Variants in GREM2 observed in about 807,000 individuals in gnomAD.
GREM2 encodes the protein gremlin-2.
Under a neutral mutation model 14.2 loss-of-function variants are expected in GREM2, and 11 were observed. That is an observed-to-expected ratio of 0.78 (90% CI 0.49 to 1.28). The LOEUF (loss-of-function observed/expected upper bound fraction) is 1.28, where lower values mean the gene tolerates loss of function less well. Ranked by LOEUF, GREM2 falls within the 50% of genes most tolerant of loss-of-function variation. The pLI is 0.00. For missense variants in GREM2, 210 were observed against 218.5 expected, an observed-to-expected ratio of 0.96 and a Z score of 0.24; for synonymous variants, 98 against 97.6, an observed-to-expected ratio of 1.00 and a Z score of -0.02.
intron 1 of GREM2, among the ~76,000 whole-genome samples, chr1:240,513,353 G>T (rs1677878311): frequency 6.6e-6 from 1 of 152,114 alleles, no homozygotes; most frequent in Admixed American, 6.6e-5. Context: ...GAGGCGGGCG[G>T]ATCGCGAGGT....
intron 1 of GREM2, among the ~76,000 whole-genome samples, chr1:240,521,570 CA>C (rs552539476): frequency 7.5e-5 from 11 of 146,520 alleles, no homozygotes; most frequent in Non-Finnish European, 1.5e-4. Flanking sequence ...GACTCCGTCT[CA>C]AAAAAAAACA....
chr1:240,493,414 G>A lies in GREM2; in HGVS notation c.62C>T (p.Ala21Val). The A allele has an allele frequency of 3.1e-6, 5 of 1,613,028 alleles. No homozygotes were observed. In the South Asian group the frequency reaches 5.5e-5, roughly 18 times the overall value. The change falls in exon 2 of 2, where the codon GCC (alanine) becomes GTC (valine). Residue 21 changes from alanine to valine, a missense_variant. Transcript: ENST00000318160. Reference sequence around the variant, plus strand: ...GGCGCCCGCCGGCCGGTTCTTCCGGGCTTCCGCCACCTTCACCAGCACCGC... The same window carrying A: ...GGCGCCCGCCGGCCGGTTCTTCCGGACTTCCGCCACCTTCACCAGCACCGC... ...LVAVLVKVAE[A>V]RKNRPAGAIP...
At chr1:240,599,781 C>T (rs1679885590) in intron 1 of GREM2, among the ~76,000 whole-genome samples, 1 of 152,188 alleles carries the variant, frequency 6.6e-6, no homozygotes, top group African/African-American at 2.4e-5. Context: ...ATCCATCACA[C>T]CAGCTGAAGG....
chr1:240,505,091 T>C (rs1677649787), intron 1 of GREM2, among the ~76,000 whole-genome samples: 1 of 152,034 alleles, frequency 6.6e-6, no homozygotes, highest in Non-Finnish European at 1.5e-5. Flanking sequence ...CAAGATCTAG[T>C]TGTTTAAAAG....
intron 1 of GREM2, among the ~76,000 whole-genome samples, chr1:240,515,927 A>T (rs1483032376): frequency 2.6e-5 from 4 of 152,160 alleles, no homozygotes; most frequent in Non-Finnish European, 4.4e-5. Flanking sequence ...ATGCTAAATT[A>T]CTAGGTGATG....
chr1:240,581,438 G>C lies in GREM2; in HGVS notation c.-2+30446C>G, dbSNP rs187869545. Among the ~76,000 whole-genome samples, 5 of 152,204 alleles carry C rather than the reference G, an allele frequency of 3.3e-5. No homozygotes were observed. In the East Asian group the frequency reaches 9.6e-4, roughly 29 times the overall value. ...GAAGGTTAGCAGGGCCTGATATGTG[G>C]TAAACGCTCATAGATTGTAGCTATT... On this transcript the variant is annotated intron_variant, in intron 1 of 1. Transcript: ENST00000318160.
chr1:240,517,561 C>G (rs1677980436), intron 1 of GREM2, among the ~76,000 whole-genome samples: 1 of 152,162 alleles, frequency 6.6e-6, no homozygotes, highest in Admixed American at 6.5e-5. Flanking sequence ...TATTCTTACT[C>G]CTTAGTGGGC....
chr1:240,586,610 G>C (rs1003190412), intron 1 of GREM2, among the ~76,000 whole-genome samples: 4 of 152,158 alleles, frequency 2.6e-5, no homozygotes, highest in African/African-American at 9.7e-5. Context: ...CATGAACCAG[G>C]CTCCCAACCC....
intron 1 of GREM2, among the ~76,000 whole-genome samples, chr1:240,580,087 A>G (rs1432271597): frequency 6.6e-6 from 1 of 152,122 alleles, no homozygotes; most frequent in Non-Finnish European, 1.5e-5. Flanking sequence ...CAACTCTAAA[A>G]CATGATAAAA....
chr1:240,601,891 C>A (rs928358035), intron 1 of GREM2, among the ~76,000 whole-genome samples: 1 of 133,968 alleles, frequency 7.5e-6, no homozygotes, highest in Non-Finnish European at 1.5e-5. Flanking sequence ...CCAGCCTGGG[C>A]GACAGAGTGA....
Position 240,559,729 on chromosome 1 carries a change from A to C in GREM2, c.-2+52155T>G, listed in dbSNP as rs141607346. On this transcript the variant is annotated intron_variant, in intron 1 of 1. Transcript: ENST00000318160. ...ATTCTAGTGTTTTCCTAAAAAGTTA[A>C]ATTTTTTTATTTGCAAATACTGTCA... Among the ~76,000 whole-genome samples the C allele has an allele frequency of 6.3e-3, 960 of 152,244 alleles. 16 individuals are homozygous for C. Among genetic ancestry groups the C allele is most frequent in the African/African-American group, 0.022 (924 of 41,542 alleles).
rs1354537154 is a variant in GREM2 at position 240,493,192 on chromosome 1, C to T, written c.284G>A (p.Arg95His). The part of the protein sequence containing the change: ...EGCRSRTILN[R>H]FCYGQCNSFY... The stretch of plus-strand genomic sequence containing the variant: ...GGAGTTGCACTGGCCGTAGCAGAAG[C>T]GGTTGAGGATGGTGCGGCTCCGGCA... The change falls in exon 2 of 2, where the codon CGC becomes CAC. Residue 95 changes from arginine (R) to histidine (H), a missense_variant. Transcript: ENST00000318160. 1.2e-6 allele frequency: 2 copies of T among 1,614,026 alleles called. No homozygotes were observed. Among genetic ancestry groups the T allele is most frequent in the Non-Finnish European group, 1.7e-6 (2 of 1,180,036 alleles).
chr1:240,523,256 C>T (rs1230375909), intron 1 of GREM2, among the ~76,000 whole-genome samples: 1 of 152,190 alleles, frequency 6.6e-6, no homozygotes. Context: ...CCAGGCCTGG[C>T]TAGTAATATA....
chr1:240,576,328 C>T (rs1276921071), intron 1 of GREM2, among the ~76,000 whole-genome samples: 1 of 152,202 alleles, frequency 6.6e-6, no homozygotes, highest in African/African-American at 2.4e-5. Flanking sequence ...TAGTCTCTTA[C>T]TAATCTTGTA....
At chr1:240,502,849 T>C (rs1045317345) in intron 1 of GREM2, among the ~76,000 whole-genome samples, 1 of 152,072 alleles carries the variant, frequency 6.6e-6, no homozygotes, top group Non-Finnish European at 1.5e-5. Context: ...CACCGTGGAG[T>C]TGAAAGGTGG....
rs1677231704 is a variant in GREM2, at chr1:240,490,862, C to G, written c.*2107G>C. The G allele has an allele frequency of 6.6e-6, 1 of 152,222 alleles. No homozygotes were observed. Among genetic ancestry groups the G allele is most frequent in the South Asian group, 2.1e-4 (1 of 4,830 alleles). The allele number at this position is 152,222 out of a possible 1,614,324, so 9.4% of individuals were successfully genotyped here. A position where few individuals can be genotyped will look rare whatever the true frequency, so the allele number is the denominator to read the frequency against. On this transcript the variant is annotated 3_prime_UTR_variant, in exon 2 of 2. Coordinates refer to ENST00000318160, the MANE Select transcript of GREM2 (RefSeq NM_022469.4). Reference sequence around the variant, plus strand: ...ACTCACCTCCCAATCCACCCCTAGCCTCCATTACAATCACGTAAATTTCCT... The same window carrying G: ...ACTCACCTCCCAATCCACCCCTAGCGTCCATTACAATCACGTAAATTTCCT...
In GREM2 at chr1:240,545,832, C is replaced by T. The variant is rs555631065; in HGVS notation, c.-1-52356G>A. On this transcript the variant is annotated intron_variant, in intron 1 of 1. Transcript: ENST00000318160. The stretch of plus-strand genomic sequence containing the variant: ...TATTTCAGTTGTTTTTTTCCTTTGT[C>T]TTCGGATTCTATATCCCTTTGGTGC... Among the ~76,000 whole-genome samples, 66 of 152,280 alleles carry T rather than the reference C, an allele frequency of 4.3e-4. 1 individual carries two copies. Among genetic ancestry groups the T allele is most frequent in the Middle Eastern group, 6.8e-3 (2 of 294 alleles).
chr1:240,553,516 G>T (rs563187138), intron 1 of GREM2, among the ~76,000 whole-genome samples: 2 of 152,282 alleles, frequency 1.3e-5, no homozygotes, highest in South Asian at 2.1e-4. Flanking sequence ...CAATATGACA[G>T]GTCTCCACAT....
intron 1 of GREM2, among the ~76,000 whole-genome samples, chr1:240,575,738 C>T (rs1273459653): frequency 2.0e-5 from 3 of 151,914 alleles, no homozygotes; most frequent in African/African-American, 7.3e-5. Flanking sequence ...CCAGGCTGGT[C>T]TCAAACTCCT....
Sources: allele counts gnomAD v4.1 joint callset (sites outside exome capture counted in the v4.1 genomes callset), GRCh38; gene constraint gnomAD v4.1.1; transcripts MANE v1.5; gene names NCBI Gene and HGNC (gene_info 2026-07-23, HGNC 2026-07-21).